CDH13: variants seen among roughly 807,000 people sequenced by gnomAD.
CDH13 encodes the protein cadherin 13.
A neutral mutation model predicts 63.8 loss-of-function variants in CDH13; 24 were observed. The observed-to-expected ratio is 0.38, with a 90% confidence interval of 0.27 to 0.53. The LOEUF (loss-of-function observed/expected upper bound fraction) is 0.53, where lower values mean the gene tolerates loss of function less well. Among genes scored for constraint, CDH13 ranks in the 20% least tolerant of loss-of-function variants. The pLI is 0.85. For synonymous variants in CDH13, 503 were observed against 355.3 expected (o/e 1.42, Z -4.67); for missense variants, 1,049 against 903.1 (o/e 1.16, Z -2.07).
rs543904903 is a variant in CDH13, at chr16:82,888,667, T to C, written c.157+30194T>C. 3.3e-5 allele frequency among the ~76,000 whole-genome samples: 5 copies of C among 152,346 alleles called. No homozygotes were observed. The East Asian group carries it at 9.7e-4, about 29-fold the overall frequency. ...CTGAAGTTCTGTGATGCTTAGCATA[T>C]GTGAAACTCAAGTTTCTTCTGTTCC... On this transcript the variant is annotated intron_variant, in intron 2 of 13. Coordinates refer to ENST00000567109, the MANE Select transcript of CDH13 (RefSeq NM_001257.5).
In CDH13 at chr16:83,486,588, T is replaced by C. The variant is rs567482066; in HGVS notation, c.893T>C (p.Met298Thr). 3.1e-6 allele frequency: 5 copies of C among 1,613,944 alleles called. No individual in the cohort carries two copies. The South Asian group carries it at 5.5e-5, about 18-fold the overall frequency. ...QQTPDKPSPNMFYIDPEKGDI... is the reference protein window; with the variant it reads ...QQTPDKPSPNTFYIDPEKGDI... ...ACGCCTGACAAGCCATCTCCCAACA[T>C]GTTCTACATCGATCCTGAGAAAGGA... is the stretch of plus-strand genomic sequence containing the variant. The change falls in exon 7 of 14, where the codon ATG becomes ACG. Residue 298 changes from methionine to threonine, a missense_variant. Met to Thr is a moderately conservative substitution (Grantham distance 81, BLOSUM62 -1). Coordinates refer to ENST00000567109, the MANE Select transcript of CDH13 (RefSeq NM_001257.5).
At chr16:82,763,182 T>C (rs1408506412) in intron 1 of CDH13, among the ~76,000 whole-genome samples, 1 of 152,178 alleles carries the variant, frequency 6.6e-6, no homozygotes, top group Non-Finnish European at 1.5e-5. Context: ...TAAGCCTTGC[T>C]CTTTCTTTCA....
chr16:82,844,580 G>A (rs62035177), intron 1 of CDH13: 54,166 of 145,140 alleles, frequency 0.37, 11,157 homozygotes, highest in East Asian at 0.82. Context: ...CAGCCTGGGC[G>A]ACAGTGTGAC....
intron 10 of CDH13, among the ~76,000 whole-genome samples, chr16:83,723,324 G>A (rs1026345689): frequency 4.6e-5 from 7 of 152,276 alleles, no homozygotes; most frequent in African/African-American, 1.7e-4. Flanking sequence ...AGCTTGGAAG[G>A]TTAGCACCTC....
chr16:83,394,897 C>A (rs553367404), intron 6 of CDH13, among the ~76,000 whole-genome samples: 7 of 152,242 alleles, frequency 4.6e-5, no homozygotes, highest in African/African-American at 1.7e-4. Context: ...CCTGTAATCC[C>A]AACACTCTGG....
intron 2 of CDH13, among the ~76,000 whole-genome samples, chr16:82,904,832 A>G (rs2041589828): frequency 6.6e-6 from 1 of 152,146 alleles, no homozygotes; most frequent in Admixed American, 6.5e-5. Context: ...ACCGTTTCCC[A>G]TGAATAGAGT....
intron 2 of CDH13, among the ~76,000 whole-genome samples, chr16:82,952,003 C>G (rs1420199271): frequency 6.6e-6 from 1 of 152,222 alleles, no homozygotes; most frequent in Non-Finnish European, 1.5e-5. Context: ...TGTCACTTGG[C>G]TATACGCTTC....
intron 2 of CDH13, among the ~76,000 whole-genome samples, chr16:82,974,233 C>G (rs1345453734): frequency 6.6e-6 from 1 of 152,178 alleles, no homozygotes; most frequent in African/African-American, 2.4e-5. Context: ...GCCACCATGC[C>G]CGGCCTAAGC....
At chr16:83,061,168 C>G (rs1264231947) in intron 3 of CDH13, among the ~76,000 whole-genome samples, 2 of 152,170 alleles carry the variant, frequency 1.3e-5, no homozygotes, top group Admixed American at 1.3e-4. Context: ...GAGAGTTGGA[C>G]CTAGGGCCCA....
At chr16:82,671,064 C>T (rs1023277675) in intron 1 of CDH13, among the ~76,000 whole-genome samples, 4 of 152,140 alleles carry the variant, frequency 2.6e-5, no homozygotes, top group African/African-American at 4.8e-5. Context: ...TCATGCCAGC[C>T]TTTCGTGGGT....
At chr16:82,781,668 C>A (rs1044953098) in intron 1 of CDH13, among the ~76,000 whole-genome samples, 1 of 152,208 alleles carries the variant, frequency 6.6e-6, no homozygotes, top group African/African-American at 2.4e-5. Context: ...ATCTATTCAA[C>A]CTTTCACATA....
chr16:83,496,967 T>C (rs1234095653), intron 7 of CDH13, among the ~76,000 whole-genome samples: 1 of 152,158 alleles, frequency 6.6e-6, no homozygotes, highest in African/African-American at 2.4e-5. Flanking sequence ...TGAGATACCA[T>C]CTCACACCAG....
intron 11 of CDH13, among the ~76,000 whole-genome samples, chr16:83,755,319 A>G (rs1485602857): frequency 6.6e-6 from 1 of 152,194 alleles, no homozygotes; most frequent in African/African-American, 2.4e-5. Context: ...AAATCTGCCA[A>G]AAGACTAGTG....
intron 2 of CDH13, among the ~76,000 whole-genome samples, chr16:82,861,727 G>A (rs1344431331): frequency 6.6e-6 from 1 of 152,080 alleles, no homozygotes; most frequent in East Asian, 1.9e-4. Flanking sequence ...CTTCACATCT[G>A]AATCACTCTT....
intron 5 of CDH13, among the ~76,000 whole-genome samples, chr16:83,344,537 G>A (rs933586108): frequency 6.6e-6 from 1 of 152,182 alleles, no homozygotes; most frequent in African/African-American, 2.4e-5. Flanking sequence ...ATGATATTGG[G>A]AAAACAGAAA....
chr16:83,077,439 C>A (rs993190852), intron 3 of CDH13, among the ~76,000 whole-genome samples: 2 of 151,896 alleles, frequency 1.3e-5, no homozygotes, highest in Non-Finnish European at 1.5e-5. Context: ...GTGATCTGCC[C>A]ACTTTGGCCT....
At chr16:82,748,050 T>C (rs1264388193) in intron 1 of CDH13, among the ~76,000 whole-genome samples, 3 of 152,216 alleles carry the variant, frequency 2.0e-5, no homozygotes, top group Non-Finnish European at 4.4e-5. Flanking sequence ...CCATGTTAAA[T>C]GCCTTCCGTG....
At chr16:83,195,338 T>C (rs529714311) in intron 4 of CDH13, among the ~76,000 whole-genome samples, 1 of 152,294 alleles carries the variant, frequency 6.6e-6, no homozygotes, top group South Asian at 2.1e-4. Context: ...GATGAGGTAA[T>C]TTATAAAGTA....
At chr16:82,683,854 T>G (rs1223883497) in intron 1 of CDH13, among the ~76,000 whole-genome samples, 2 of 152,244 alleles carry the variant, frequency 1.3e-5, no homozygotes, top group African/African-American at 4.8e-5. Flanking sequence ...TTACATATTA[T>G]TAGGTTAAGG....
Sources: gnomAD v4.1 joint callset for allele counts (sites outside exome capture counted in the v4.1 genomes callset) on GRCh38, gnomAD v4.1.1 for gene constraint, MANE v1.5 for transcripts, NCBI Gene and HGNC (gene_info 2026-07-23, HGNC 2026-07-21) for gene names.